OLA1: variants seen among roughly 807,000 people sequenced by gnomAD.
OLA1 encodes Obg like ATPase 1.
In OLA1, 14 loss-of-function variants were observed where a neutral mutation model predicts 48.4. That is an observed-to-expected ratio of 0.29 (90% CI 0.19 to 0.45). The LOEUF is 0.45. Ranked by LOEUF, OLA1 falls within the 20% of genes least tolerant of loss-of-function variation. The pLI, the probability that OLA1 is intolerant of heterozygous loss-of-function variation, is 1.00. For missense variants in OLA1, 325 were observed against 467.1 expected (o/e 0.70, Z 2.80); for synonymous variants, 127 against 150.4 (o/e 0.84, Z 1.14).
At chr2:174,156,013 T>C (rs1179319180) in intron 4 of OLA1, among the ~76,000 whole-genome samples, 1 of 152,200 alleles carries the variant, frequency 6.6e-6, no homozygotes, top group Non-Finnish European at 1.5e-5. Flanking sequence ...CTCTGTAAAA[T>C]GTACACAATA....
At chr2:174,098,340 T>C (rs1479731539) in intron 7 of OLA1, among the ~76,000 whole-genome samples, 3 of 152,240 alleles carry the variant, frequency 2.0e-5, no homozygotes, top group African/African-American at 7.2e-5. Context: ...TTTAACATAA[T>C]TTGGTGTTTA....
At chr2:174,136,830 C>T (rs1686321508) in intron 5 of OLA1, among the ~76,000 whole-genome samples, 4 of 147,732 alleles carry the variant, frequency 2.7e-5, no homozygotes, top group Non-Finnish European at 6.1e-5. Flanking sequence ...TGCTGCCACG[C>T]CTGGTTAATT....
intron 4 of OLA1, among the ~76,000 whole-genome samples, chr2:174,217,590 T>C (rs1688391701): frequency 6.6e-6 from 1 of 152,156 alleles, no homozygotes; most frequent in South Asian, 2.1e-4. Context: ...TGTATACATG[T>C]CTTGACATAT....
chr2:174,100,625 C>G (rs1685369757), intron 7 of OLA1, among the ~76,000 whole-genome samples: 1 of 152,146 alleles, frequency 6.6e-6, no homozygotes, highest in South Asian at 2.1e-4. Flanking sequence ...CTATGCTGGT[C>G]TTGAACTCCT....
At chr2:174,206,743 A>C (rs201494685) in intron 4 of OLA1, among the ~76,000 whole-genome samples, 1 of 152,214 alleles carries the variant, frequency 6.6e-6, no homozygotes, top group East Asian at 1.9e-4. Flanking sequence ...CACAATAAAC[A>C]GAAGTTGGTT....
intron 4 of OLA1, among the ~76,000 whole-genome samples, chr2:174,169,559 C>T: frequency 6.6e-6 from 1 of 152,190 alleles, no homozygotes; most frequent in Admixed American, 6.5e-5. Context: ...GAATTTTATA[C>T]CCAGCAAAAA....
chr2:174,206,422 C>T (rs2105437031), intron 4 of OLA1, among the ~76,000 whole-genome samples: 1 of 152,272 alleles, frequency 6.6e-6, no homozygotes, highest in East Asian at 1.9e-4. Context: ...TCAAGAGACT[C>T]TCCAGTACCT....
intron 4 of OLA1, among the ~76,000 whole-genome samples, chr2:174,144,371 T>A (rs1337130165): frequency 6.6e-6 from 1 of 152,094 alleles, no homozygotes; most frequent in East Asian, 1.9e-4. Context: ...GAATTTAAAT[T>A]TATTTCTGAA....
intron 4 of OLA1, among the ~76,000 whole-genome samples, chr2:174,153,798 A>C (rs1373291217): frequency 6.6e-6 from 1 of 152,196 alleles, no homozygotes; most frequent in African/African-American, 2.4e-5. Context: ...TTTCAACAAG[A>C]TTTTTCACTT....
intron 4 of OLA1, among the ~76,000 whole-genome samples, chr2:174,196,791 T>C (rs1441485101): frequency 6.6e-6 from 1 of 152,218 alleles, no homozygotes; most frequent in Non-Finnish European, 1.5e-5. Flanking sequence ...TCAACGTTTT[T>C]ATAATATGCC....
intron 4 of OLA1, among the ~76,000 whole-genome samples, chr2:174,181,933 T>G (rs1374414099): frequency 6.6e-6 from 1 of 152,224 alleles, no homozygotes; most frequent in African/African-American, 2.4e-5. Flanking sequence ...TCCTTTAGTA[T>G]ATAAGCACTT....
chr2:174,101,907 G>A (rs1282428920), intron 7 of OLA1, among the ~76,000 whole-genome samples: 1 of 152,070 alleles, frequency 6.6e-6, no homozygotes, highest in Non-Finnish European at 1.5e-5. Flanking sequence ...TGACTCACAG[G>A]GTGCCAATAC....
chr2:174,136,796 C>T (rs1337892779), intron 5 of OLA1, among the ~76,000 whole-genome samples: 1 of 151,836 alleles, frequency 6.6e-6, no homozygotes, highest in South Asian at 2.1e-4. Context: ...CTCAGCCTCT[C>T]GAGTAGCTAG....
At chr2:174,193,535 T>G (rs1183695840) in intron 4 of OLA1, among the ~76,000 whole-genome samples, 1 of 152,194 alleles carries the variant, frequency 6.6e-6, no homozygotes, top group African/African-American at 2.4e-5. Flanking sequence ...TTTTTATGCC[T>G]AAAATGGGGC....
chr2:174,076,397 A>G (rs892990721), intron 10 of OLA1, among the ~76,000 whole-genome samples: 2 of 152,298 alleles, frequency 1.3e-5, no homozygotes, highest in African/African-American at 4.8e-5. Flanking sequence ...ACTCCTCAAC[A>G]ATAAGGACTT....
At chr2:174,121,637 A>T (rs925040351) in intron 7 of OLA1, among the ~76,000 whole-genome samples, 7 of 152,136 alleles carry the variant, frequency 4.6e-5, no homozygotes, top group African/African-American at 1.7e-4. Context: ...TTATAAATTA[A>T]AATTTGCTAT....
At chr2:174,176,733 A>G (rs142963017) in intron 4 of OLA1, among the ~76,000 whole-genome samples, 17 of 152,286 alleles carry the variant, frequency 1.1e-4, no homozygotes, top group African/African-American at 3.8e-4. Context: ...TTACCACAAA[A>G]AAGTGGGAGG....
intron 4 of OLA1, among the ~76,000 whole-genome samples, chr2:174,178,543 A>G (rs1270798173): frequency 1.3e-5 from 2 of 152,126 alleles, no homozygotes; most frequent in Admixed American, 1.3e-4. Flanking sequence ...CTTCCTTAAG[A>G]CAAACATACA....
intron 7 of OLA1, among the ~76,000 whole-genome samples, chr2:174,109,406 T>C (rs949372091): frequency 3.9e-5 from 6 of 152,194 alleles, no homozygotes; most frequent in Admixed American, 1.3e-4. Context: ...AAAAAAATAA[T>C]GTCCCATCAC....
Sources: allele counts gnomAD v4.1 joint callset (sites outside exome capture counted in the v4.1 genomes callset), GRCh38; gene constraint gnomAD v4.1.1; transcripts MANE v1.5; gene names NCBI Gene and HGNC (gene_info 2026-07-23, HGNC 2026-07-21).